Variants in ZNF600 observed in about 807,000 individuals in gnomAD.
The protein encoded by ZNF600 is zinc finger protein KR-ZNF1.
A neutral mutation model predicts 7.3 loss-of-function variants in ZNF600; 4 were observed. The ratio of observed to expected loss-of-function variants is 0.55; its 90% confidence interval spans 0.27 to 1.25. The LOEUF (loss-of-function observed/expected upper bound fraction) is 1.25. ZNF600 is among the 50% of genes most tolerant of loss of function. The pLI is 0.12. For missense variants in ZNF600, 911 were observed against 922.1 expected, an observed-to-expected ratio of 0.99 and a Z score of 0.16; for synonymous variants, 290 against 308.9, an observed-to-expected ratio of 0.94 and a Z score of 0.64.
chr19:52,776,304 T>C (rs906223953), intron 2 of ZNF600, among the ~76,000 whole-genome samples: 10 of 152,180 alleles, frequency 6.6e-5, no homozygotes, highest in East Asian at 1.9e-4. Flanking sequence ...GACATGGGTT[T>C]ATCTAGTGGA....
the ZNF600 span, among the ~76,000 whole-genome samples, chr19:52,828,191 A>G: frequency 6.6e-6 from 1 of 152,036 alleles, no homozygotes. Flanking sequence ...AGCTGGGATT[A>G]CAGGCATGCT....
intron 1 of ZNF600, 51 bp from the exon 4 acceptor site, chr19:52,778,958 C>T (rs1464356165): frequency 1.0e-5 from 16 of 1,526,270 alleles, no homozygotes; most frequent in African/African-American, 1.4e-5. Flanking sequence ...TCACTCCCAT[C>T]CTGTGACAAA....
At chr19:52,788,231 C>T (rs147637516), upstream of ZNF600, among the ~76,000 whole-genome samples, 9 of 152,266 alleles carry the variant, frequency 5.9e-5, no homozygotes, top group East Asian at 1.9e-4. Flanking sequence ...TGTGAGCAAA[C>T]GTGTGAGGCA....
the ZNF600 span, among the ~76,000 whole-genome samples, chr19:52,816,336 T>C: frequency 5.5e-5 from 8 of 146,328 alleles, no homozygotes; most frequent in East Asian, 1.6e-3. Context: ...CTGGCCAACA[T>C]GGTGAAACCC....
At chr19:52,765,789 T>C (rs2062565959) in exon 4 of ZNF600, 1 of 1,613,950 alleles carries the variant, frequency 6.2e-7, no homozygotes, top group South Asian at 1.1e-5. Context: ...AATTCTCCTA[T>C]GTCTTTTAAG....
At chr19:52,777,009 G>A (rs10414742) in intron 2 of ZNF600, among the ~76,000 whole-genome samples, 15,473 of 151,834 alleles carry the variant, frequency 0.1, 1,821 homozygotes, top group African/African-American at 0.29. Context: ...AAAAAATAAA[G>A]TAAAATCAAT....
chr19:52,821,360 T>G, the ZNF600 span, among the ~76,000 whole-genome samples: 361 of 151,334 alleles, frequency 2.4e-3, 3 homozygotes, highest in Non-Finnish European at 4.1e-3. Context: ...AGATAGGAAG[T>G]GTATACATTG....
At chr19:52,789,976 A>G (rs149195307), upstream of ZNF600, among the ~76,000 whole-genome samples, 56 of 152,224 alleles carry the variant, frequency 3.7e-4, no homozygotes, top group African/African-American at 1.2e-3. Flanking sequence ...AGTGGGGGTC[A>G]CAAGGTGCTC....
exon 4 of ZNF600, chr19:52,766,408 C>G (rs1186155490): frequency 1.9e-6 from 3 of 1,613,594 alleles, no homozygotes; most frequent in African/African-American, 2.7e-5. Context: ...CAACTGAAAA[C>G]CTTTTCACAT....
upstream of ZNF600, among the ~76,000 whole-genome samples, chr19:52,790,166 G>GTA (rs1273787304): frequency 6.6e-6 from 1 of 152,044 alleles, no homozygotes; most frequent in Non-Finnish European, 1.5e-5. Flanking sequence ...CCATCTGGGC[G>GTA]TATACGTGCA....
At chr19:52,799,350 C>T in the ZNF600 span, 3 of 525,298 alleles carry the variant, frequency 5.7e-6, no homozygotes, top group Non-Finnish European at 1.1e-5. Flanking sequence ...AACCTTACAT[C>T]TGTGTGGTTT....
chr19:52,801,136 G>C, the ZNF600 span: 3 of 1,613,992 alleles, frequency 1.9e-6, no homozygotes, highest in Non-Finnish European at 2.5e-6. Flanking sequence ...TCTTCTAAGT[G>C]GGTTATCTGA....
chr19:52,781,705 G>C (rs1568634191), intron 1 of ZNF600, among the ~76,000 whole-genome samples: 5 of 151,824 alleles, frequency 3.3e-5, no homozygotes, highest in Admixed American at 3.3e-4. Flanking sequence ...AGAGGTTGCA[G>C]TGATCCAAGA....
At chr19:52,813,766 G>A in the ZNF600 span, among the ~76,000 whole-genome samples, 2 of 146,606 alleles carry the variant, frequency 1.4e-5, 1 homozygote, top group Non-Finnish European at 3.0e-5. Context: ...CAGCTCCACT[G>A]TAAATTCCCC....
upstream of ZNF600, among the ~76,000 whole-genome samples, chr19:52,788,412 A>C (rs2062782533): frequency 1.3e-5 from 2 of 152,110 alleles, no homozygotes; most frequent in African/African-American, 4.8e-5. Context: ...TCTTTGGAAA[A>C]TCAATCCTGT....
intron 3 of ZNF600, among the ~76,000 whole-genome samples, chr19:52,774,140 T>C (rs2062652792): frequency 1.3e-5 from 2 of 151,920 alleles, no homozygotes; most frequent in Admixed American, 1.3e-4. Context: ...AAAAACAAAC[T>C]TGGATGGGTC....
At chr19:52,811,741 GC>G in the ZNF600 span, among the ~76,000 whole-genome samples, 1 of 147,396 alleles carries the variant, frequency 6.8e-6, no homozygotes, top group African/African-American at 2.6e-5. Context: ...CCCGGCAGCC[GC>G]CCCGTCCGGG....
chr19:52,803,802 C>G, the ZNF600 span, among the ~76,000 whole-genome samples: 1 of 151,734 alleles, frequency 6.6e-6, no homozygotes, highest in South Asian at 2.1e-4. Flanking sequence ...ACTAAAAATA[C>G]AAAAAAATTA....
the ZNF600 span, among the ~76,000 whole-genome samples, chr19:52,811,614 C>CCCGG: frequency 6.8e-6 from 1 of 147,056 alleles, no homozygotes; most frequent in Non-Finnish European, 1.5e-5. Context: ...AGCGTCTCTG[C>CCCGG]CCGGCCGCCC....
Sources: gnomAD v4.1 joint callset for allele counts (sites outside exome capture counted in the v4.1 genomes callset) on GRCh38, gnomAD v4.1.1 for gene constraint, MANE v1.5 for transcripts, NCBI Gene and HGNC (gene_info 2026-07-23, HGNC 2026-07-21) for gene names.